Variants in NID1 observed in about 807,000 individuals in gnomAD.
NID1 encodes nidogen 1, also known as nidogen-1.
A neutral mutation model predicts 130.6 loss-of-function variants in NID1; 76 were observed. The ratio of observed to expected loss-of-function variants is 0.58; its 90% CI spans 0.48 to 0.70. The LOEUF is 0.70. Among genes scored for constraint, NID1 ranks in the 30% least tolerant of loss-of-function variants. The pLI, the probability that NID1 is intolerant of heterozygous loss-of-function variation, is 0.00. For synonymous variants in NID1, 665 were observed against 675.1 expected, an observed-to-expected ratio of 0.98 and a Z score of 0.23; for missense variants, 1,517 against 1,664.8, an observed-to-expected ratio of 0.91 and a Z score of 1.54.
In NID1 at chr1:236,064,961, C is replaced by G. The variant is rs1660152127; in HGVS notation, c.119G>C (p.Gly40Ala). The change falls in exon 1 of 20, where the codon GGA becomes GCA. Residue 40 changes from glycine (G) to alanine (A), a missense_variant. By Grantham distance (60) the Gly-to-Ala change is moderately conservative. Transcript: ENST00000264187. ...GTCCTCCAGCTCCAGGTCCCCCTGT[C>G]CGGGGCCGAAGGGAAAGAGCTCCTG... ...SRQELFPFGP[G>A]QGDLELEDGD... 1 of 1,598,752 alleles carries G rather than the reference C, an allele frequency of 6.3e-7. No homozygotes were observed. Among genetic ancestry groups the G allele is most frequent in the Non-Finnish European group, 8.5e-7 (1 of 1,173,318 alleles).
intron 6 of NID1, 63 bp from the exon 7 acceptor site, chr1:236,029,813 G>T: frequency 6.5e-7 from 1 of 1,531,778 alleles, no homozygotes. Flanking sequence ...GCCCGCCCCA[G>T]GCTCACAGTG....
chr1:236,036,407 A>G (rs1659262215), intron 5 of NID1, among the ~76,000 whole-genome samples: 1 of 152,236 alleles, frequency 6.6e-6, no homozygotes. Context: ...TTGAAATGAT[A>G]ACGAATTTAA....
chr1:236,026,808 G>A (rs1558438222), intron 7 of NID1, among the ~76,000 whole-genome samples: 1 of 150,268 alleles, frequency 6.7e-6, no homozygotes, highest in Non-Finnish European at 1.5e-5. Context: ...GCACGATCAT[G>A]GCTCACTGCA....
intron 17 of NID1, 127 bp downstream of exon 17, chr1:235,980,369 A>C: frequency 1.1e-6 from 1 of 909,868 alleles, no homozygotes; most frequent in Non-Finnish European, 1.6e-6. Context: ...AACCGTAAAA[A>C]CCATTCATAG....
intron 8 of NID1, among the ~76,000 whole-genome samples, chr1:236,025,369 C>T (rs575125505): frequency 6.6e-6 from 1 of 150,768 alleles, no homozygotes; most frequent in Non-Finnish European, 1.5e-5. Flanking sequence ...TCAAGCGATT[C>T]TCCTGCCTCA....
At chr1:236,014,807 G>C (rs1043200624) in intron 10 of NID1, among the ~76,000 whole-genome samples, 3 of 152,202 alleles carry the variant, frequency 2.0e-5, no homozygotes, top group Admixed American at 1.3e-4. Flanking sequence ...TGCCAGCCCA[G>C]TGTCACAGGG....
chr1:236,050,048 A>G (rs867215847), intron 1 of NID1, among the ~76,000 whole-genome samples: 1,669 of 151,940 alleles, frequency 0.011, 34 homozygotes, highest in African/African-American at 0.038. Flanking sequence ...GGGAAAAAAA[A>G]AAAAAAAAGA....
intron 1 of NID1, among the ~76,000 whole-genome samples, chr1:236,061,392 C>G (rs61833496): frequency 0.094 from 14,246 of 152,190 alleles, 911 homozygotes; most frequent in Middle Eastern, 0.14. Flanking sequence ...CAAGCAATAA[C>G]CAGACATCAC....
chr1:236,056,298 C>T (rs568626395), intron 1 of NID1, among the ~76,000 whole-genome samples: 11 of 152,200 alleles, frequency 7.2e-5, no homozygotes, highest in Middle Eastern at 3.4e-3. Context: ...AGAGGGACTC[C>T]TTCACTGTCT....
chr1:236,013,813 G>T (rs1357707133), intron 10 of NID1, among the ~76,000 whole-genome samples: 2 of 152,150 alleles, frequency 1.3e-5, no homozygotes, highest in Non-Finnish European at 2.9e-5. Flanking sequence ...CTTGACCTCA[G>T]TTTCACTCTG....
chr1:236,032,738 T>A, intron 5 of NID1, 86 bp from the exon 6 acceptor site: 1 of 1,521,704 alleles, frequency 6.6e-7, no homozygotes, highest in Non-Finnish European at 8.8e-7. Flanking sequence ...CTGTACCTAT[T>A]GGTGAAGAAA....
At chr1:236,004,914 G>A (rs1043500059) in intron 12 of NID1, among the ~76,000 whole-genome samples, 2 of 152,210 alleles carry the variant, frequency 1.3e-5, no homozygotes, top group African/African-American at 2.4e-5. Flanking sequence ...GGTGGCTCAC[G>A]CCTGTAATCC....
At chr1:236,016,156 G>GA (rs199651920) in intron 10 of NID1, among the ~76,000 whole-genome samples, 100 of 142,768 alleles carry the variant, frequency 7.0e-4, no homozygotes, top group African/African-American at 8.9e-4. Flanking sequence ...CCCTACTGAG[G>GA]AAAAAAAAAA....
intron 12 of NID1, among the ~76,000 whole-genome samples, chr1:236,008,199 C>T (rs1459230537): frequency 6.6e-6 from 1 of 152,314 alleles, no homozygotes; most frequent in East Asian, 1.9e-4. Flanking sequence ...GTGAGAACAG[C>T]AAGCCACTAA....
At chr1:236,028,687 C>T (rs201326424) in intron 7 of NID1, among the ~76,000 whole-genome samples, 22,130 of 146,914 alleles carry the variant, frequency 0.15, 2,818 homozygotes, top group East Asian at 0.42. Context: ...GGTCAGTATA[C>T]ATATATATAT....
chr1:236,026,271 A>C, intron 7 of NID1, 130 bp from the exon 8 acceptor site: 1 of 1,132,002 alleles, frequency 8.8e-7, no homozygotes, highest in Middle Eastern at 2.8e-4. Flanking sequence ...ACCAGATGAC[A>C]GACCAGACAG....
At chr1:236,037,412 T>C (rs1659291426) in intron 5 of NID1, among the ~76,000 whole-genome samples, 2 of 152,278 alleles carry the variant, frequency 1.3e-5, no homozygotes, top group South Asian at 4.1e-4. Context: ...AATCCCAACA[T>C]TTCGGGAGGC....
chr1:235,984,108 C>T (rs944245277), intron 15 of NID1, among the ~76,000 whole-genome samples: 1 of 152,094 alleles, frequency 6.6e-6, no homozygotes, highest in Non-Finnish European at 1.5e-5. Flanking sequence ...GTGCTTACAG[C>T]GTTCTTGGAT....
intron 1 of NID1, among the ~76,000 whole-genome samples, chr1:236,055,440 A>C (rs1659872796): frequency 6.6e-6 from 1 of 152,160 alleles, no homozygotes; most frequent in South Asian, 2.1e-4. Flanking sequence ...ATGGGAGTTC[A>C]TTATATTTTT....
Sources: gnomAD v4.1 joint callset for allele counts (sites outside exome capture counted in the v4.1 genomes callset) on GRCh38, gnomAD v4.1.1 for gene constraint, MANE v1.5 for transcripts, NCBI Gene and HGNC (gene_info 2026-07-23, HGNC 2026-07-21) for gene names.